Variants in EPM2A observed in about 807,000 individuals in gnomAD.
The protein encoded by EPM2A is EPM2A glucan phosphatase, laforin, also known as laforin.
In EPM2A, 21 loss-of-function variants were observed where a neutral mutation model predicts 26.5. That is an observed-to-expected ratio of 0.79 (90% CI 0.56 to 1.14). The LOEUF is 1.14. Among genes scored for constraint, EPM2A ranks in the 50% most tolerant of loss-of-function variants. The pLI is 0.00. For synonymous variants in EPM2A, 217 were observed against 177.6 expected, an observed-to-expected ratio of 1.22 and a Z score of -1.76; for missense variants, 458 against 440.8, an observed-to-expected ratio of 1.04 and a Z score of -0.35.
chr6:145,590,641 G>A (rs139626415), intron 2 of EPM2A, among the ~76,000 whole-genome samples: 1 of 152,172 alleles, frequency 6.6e-6, no homozygotes, highest in East Asian at 1.9e-4. Flanking sequence ...AAACTTCTTA[G>A]GGAATTCTGA....
At chr6:145,586,747 C>T (rs922357634) in intron 2 of EPM2A, among the ~76,000 whole-genome samples, 2 of 152,142 alleles carry the variant, frequency 1.3e-5, no homozygotes, top group African/African-American at 4.8e-5. Flanking sequence ...ACAACCCTAA[C>T]CTAACTTGCA....
At chr6:145,674,056 T>A (rs1056645305) in intron 2 of EPM2A, among the ~76,000 whole-genome samples, 36 of 152,060 alleles carry the variant, frequency 2.4e-4, no homozygotes, top group African/African-American at 8.5e-4. Context: ...AGACACCTCA[T>A]ACAGGCGGGT....
At chr6:145,703,539 C>G (rs1263181149) in intron 1 of EPM2A, among the ~76,000 whole-genome samples, 1 of 152,054 alleles carries the variant, frequency 6.6e-6, no homozygotes, top group African/African-American at 2.4e-5. Flanking sequence ...CTTTAAACAG[C>G]CTAATTTTTC....
chr6:145,498,949 C>T (rs373642085), downstream of EPM2A, among the ~76,000 whole-genome samples: 29 of 152,262 alleles, frequency 1.9e-4, no homozygotes, highest in East Asian at 1.5e-3. Flanking sequence ...CAATTTCTCT[C>T]TATTCCCTCC....
intron 2 of EPM2A, among the ~76,000 whole-genome samples, chr6:145,568,697 T>G (rs911258198): frequency 2.6e-5 from 4 of 152,142 alleles, no homozygotes; most frequent in Admixed American, 2.6e-4. Context: ...CAATCTCCTC[T>G]GTGCTATCCC....
At chr6:145,448,360 C>T (rs9376939) in intron 4 of EPM2A, among the ~76,000 whole-genome samples, 97,686 of 151,880 alleles carry the variant, frequency 0.64, 32,928 homozygotes, top group East Asian at 0.86. Flanking sequence ...GGAGACTACA[C>T]TGGGAAAAAG....
At chr6:145,689,078 CAAG>C (rs576631726) in intron 1 of EPM2A, among the ~76,000 whole-genome samples, 125 of 152,206 alleles carry the variant, frequency 8.2e-4, no homozygotes, top group African/African-American at 2.8e-3. Flanking sequence ...TTACAATGGT[CAAG>C]AAGAATTATT....
chr6:145,525,901 C>T (rs1780266732), intron 2 of EPM2A, among the ~76,000 whole-genome samples: 1 of 151,918 alleles, frequency 6.6e-6, no homozygotes, highest in Non-Finnish European at 1.5e-5. Context: ...CACATTTTGC[C>T]CATTAAGTAT....
chr6:145,616,547 C>A (rs1372335101), intron 2 of EPM2A, among the ~76,000 whole-genome samples: 1 of 152,216 alleles, frequency 6.6e-6, no homozygotes, highest in Admixed American at 6.5e-5. Context: ...GTCCTCCAGA[C>A]CCCAGAATGG....
chr6:145,421,584 C>A (rs967575734), intron 4 of EPM2A, among the ~76,000 whole-genome samples: 4 of 151,350 alleles, frequency 2.6e-5, no homozygotes, highest in African/African-American at 9.7e-5. Flanking sequence ...AAAAAAATTT[C>A]ACAGTTCAAT....
chr6:145,459,792 A>T (rs1246528872), intron 4 of EPM2A, among the ~76,000 whole-genome samples: 1 of 152,158 alleles, frequency 6.6e-6, no homozygotes, highest in Non-Finnish European at 1.5e-5. Context: ...TCACAGATTT[A>T]TTAATTTAGA....
At chr6:145,557,142 T>C (rs1168973451) in intron 2 of EPM2A, among the ~76,000 whole-genome samples, 1 of 152,154 alleles carries the variant, frequency 6.6e-6, no homozygotes, top group African/African-American at 2.4e-5. Flanking sequence ...GAGTGTTTTA[T>C]TCAGTATTTC....
chr6:145,717,373 AT>A (rs1380785237), intron 1 of EPM2A, among the ~76,000 whole-genome samples: 6 of 152,208 alleles, frequency 3.9e-5, no homozygotes, highest in Admixed American at 1.3e-4. Context: ...AAACCACATG[AT>A]TATCTCAATA....
At position 145,732,559 on chromosome 6, in the gene EPM2A, T is replaced by C. The variant is rs17798183; in HGVS notation, c.301+2639A>G. Among the ~76,000 whole-genome samples the C allele has an allele frequency of 4.1e-3, 626 of 152,196 alleles. 18 individuals carry two copies. The East Asian group carries it at 0.069, about 17-fold the overall frequency. On this transcript the variant is annotated intron_variant, in intron 1 of 3. Coordinates refer to ENST00000367519, the MANE Select transcript of EPM2A (RefSeq NM_005670.4). ...AAGTAGTGCAATTAAGCTAGGACAT[T>C]GTGAGAACTGGTTTAACTCTTCTGT...
chr6:145,444,525 T>C (rs1371338702), intron 4 of EPM2A, among the ~76,000 whole-genome samples: 1 of 152,210 alleles, frequency 6.6e-6, no homozygotes, highest in Non-Finnish European at 1.5e-5. Context: ...TCATCAAGGA[T>C]ATTGTCCTGA....
chr6:145,580,776 T>C lies in EPM2A; in HGVS notation c.340+54469A>G, dbSNP rs1258237908. ...ATAAATGAGAACATGTCGTATTTGG[T>C]TTCTGCTCCTGTGTCAATTCACTTA... On this transcript the variant is annotated intron_variant, in intron 2 of 3. Coordinates refer to the EPM2A transcript ENST00000450221. 2.0e-5 allele frequency among the ~76,000 whole-genome samples: 3 copies of C among 152,308 alleles called. No homozygotes were observed. In the East Asian group the frequency reaches 5.8e-4, roughly 29 times the overall value.
chr6:145,482,714 T>C (rs1460197939), intron 4 of EPM2A, among the ~76,000 whole-genome samples: 8 of 151,832 alleles, frequency 5.3e-5, no homozygotes, highest in East Asian at 1.9e-4. Context: ...AGCCAGATGA[T>C]AGAAAATACA....
chr6:145,477,849 C>G (rs183226782), intron 4 of EPM2A, among the ~76,000 whole-genome samples: 173 of 151,806 alleles, frequency 1.1e-3, no homozygotes, highest in African/African-American at 4.0e-3. Context: ...AAACTAAAAG[C>G]CTTTCCTTTA....
Position 145,548,423 on chromosome 6 carries a change from A to T in EPM2A, c.341-45848T>A, listed in dbSNP as rs559732483. On this transcript the variant is annotated intron_variant, in intron 2 of 3. Transcript: ENST00000450221. ...CTGCCTAGATGACTTTGCACAAAGA[A>T]TCTTCTCATTTTAGTCCATCACGGT... 1.3e-5 allele frequency among the ~76,000 whole-genome samples: 2 copies of T among 152,126 alleles called. 1 individual carries two copies. The highest frequency in any genetic ancestry group is 4.1e-4 in the South Asian group (2 of 4,826).
Sources: gnomAD v4.1 joint callset for allele counts (sites outside exome capture counted in the v4.1 genomes callset) on GRCh38, gnomAD v4.1.1 for gene constraint, MANE v1.5 for transcripts, NCBI Gene and HGNC (gene_info 2026-07-23, HGNC 2026-07-21) for gene names.